CNTNAP1: variants seen among roughly 807,000 people sequenced by gnomAD.
The protein encoded by CNTNAP1 is contactin-associated protein 1.
In CNTNAP1, 80 loss-of-function variants were observed where a neutral mutation model predicts 161.5. That is an observed-to-expected ratio of 0.50 (90% CI 0.41 to 0.60). CNTNAP1 has a LOEUF of 0.60. CNTNAP1 is among the 20% of genes least tolerant of loss of function. The probability of loss-of-function intolerance (pLI) is 0.00; values close to 1 mark genes in which losing one functional copy is unlikely to be tolerated. For synonymous variants in CNTNAP1, 695 were observed against 733.1 expected, an observed-to-expected ratio of 0.95 and a Z score of 0.84; for missense variants, 1,464 against 1,854.8, an observed-to-expected ratio of 0.79 and a Z score of 3.87.
chr17:42,693,593 G>A, intron 18 of CNTNAP1, 57 bp downstream of exon 18: 1 of 1,585,496 alleles, frequency 6.3e-7, no homozygotes, highest in Non-Finnish European at 8.6e-7. Flanking sequence ...GGGATGTAGG[G>A]AGGGCAGGGA....
rs983436233 is a variant in CNTNAP1, at chr17:42,682,650, G to A, written c.-180G>A. The A allele has an allele frequency of 1.4e-4, 87 of 608,046 alleles. No homozygotes were observed. In the Admixed American group the frequency reaches 2.1e-3, roughly 15 times the overall value. 37.7% of individuals were successfully genotyped at this position (608,046 alleles called of 1,614,324 possible). A position where few individuals can be genotyped will look rare whatever the true frequency, so the allele number is the denominator to read the frequency against. On this transcript the variant is annotated 5_prime_UTR_variant, in exon 1 of 24. Transcript: ENST00000264638. ...ACCAGGAACCAGAGAGAGAGAGAGA[G>A]AAAAGAGAGAGGAGAGACAGAGCGC...
In CNTNAP1 at chr17:42,686,972, A is replaced by G. The variant is rs773997395; in HGVS notation, c.970A>G (p.Ile324Val). The change falls in exon 7 of 24, where the codon ATA (isoleucine) becomes GTA (valine). Residue 324 changes from isoleucine to valine, a missense_variant. This residue lies in a region of CNTNAP1 where 1,383 missense variants were observed against 1,765.0 expected (regional missense o/e 0.78). Coordinates refer to ENST00000264638, the MANE Select transcript of CNTNAP1 (RefSeq NM_003632.3). Reference sequence around the variant, plus strand: ...CTATCGGCATAACTTCCGCGGCTGCATAGAAAACGTAATCTTCAACCGCGT... The same window carrying G: ...CTATCGGCATAACTTCCGCGGCTGCGTAGAAAACGTAATCTTCAACCGCGT... Reference protein sequence around the residue: ...LAYRHNFRGCIENVIFNRVNI... With the variant: ...LAYRHNFRGCVENVIFNRVNI... 1.2e-6 allele frequency: 2 copies of G among 1,614,026 alleles called. No individual in the cohort carries two copies. Among genetic ancestry groups the G allele is most frequent in the East Asian group, 2.2e-5 (1 of 44,882 alleles).
Position 42,684,181 on chromosome 17 carries a change from C to A in CNTNAP1, c.315C>A (p.Gly105=). The A allele has an allele frequency of 6.2e-7, 1 of 1,614,106 alleles. No homozygotes were observed. Among genetic ancestry groups the A allele is most frequent in the Non-Finnish European group, 8.5e-7 (1 of 1,180,016 alleles). The change falls in exon 3 of 24, where the codon GGC becomes GGA. Residue 105 remains glycine, a synonymous_variant. Transcript: ENST00000264638. ...DWVTRYMLLY[G]DRVDSWTPFY... is the part of the protein sequence containing the mutation. ...TCACACGTTACATGCTACTCTACGG[C>A]GACCGAGTGGACAGCTGGACACCGT...
In CNTNAP1 at chr17:42,687,453, A is replaced by T; in HGVS notation, c.1045-267A>T. ...GTCTGTGGTCCAAAATTGCCTCTCG[A>T]TACTGGAAGGAGAGAAGCGGTCGAA... On this transcript the variant is annotated intron_variant, in intron 7 of 23. Transcript: ENST00000264638. The surrounding 1 kb of genome is among the most constrained non-coding windows in gnomAD (Gnocchi z 4.7). 1 of 557,222 alleles carries T rather than the reference A, an allele frequency of 1.8e-6. No individual in the cohort carries two copies. The highest frequency in any genetic ancestry group is 3.2e-6 in the Non-Finnish European group (1 of 315,186). The allele number at this position is 557,222 out of a possible 1,614,324, so 34.5% of individuals were successfully genotyped here.
rs756600030 is a variant in CNTNAP1 at position 42,687,381 on chromosome 17, A to T, written c.1044+335A>T. On this transcript the variant is annotated intron_variant, in intron 7 of 23. Transcript: ENST00000264638. This position sits in a 1 kb window ranked among gnomAD's most constrained non-coding sequence, Gnocchi z 4.7. ...ATGGCTTCTCTGATATGCCCCCCTC[A>T]ACCCTCTCCGACTCTGGAGCTCTGT... 1.0e-4 allele frequency: 52 copies of T among 508,642 alleles called. No individual in the cohort carries two copies. Among genetic ancestry groups the T allele is most frequent in the Admixed American group, 6.4e-4 (18 of 28,220 alleles). 31.5% of individuals were successfully genotyped at this position (508,642 alleles called of 1,614,324 possible). A position where few individuals can be genotyped will look rare whatever the true frequency, so the allele number is the denominator to read the frequency against.
intron 18 of CNTNAP1, among the ~76,000 whole-genome samples, chr17:42,693,950 C>T (rs375911863): frequency 9.2e-5 from 14 of 152,158 alleles, no homozygotes; most frequent in African/African-American, 3.1e-4. Flanking sequence ...CTGCAACCTC[C>T]GCCTGGTTCA....
chr17:42,686,944 G>C lies in CNTNAP1; in HGVS notation c.942G>C (p.Leu314=). 1 of 1,613,672 alleles carries C rather than the reference G, an allele frequency of 6.2e-7. No individual in the cohort carries two copies. The highest frequency in any genetic ancestry group is 8.5e-7 in the Non-Finnish European group (1 of 1,179,740). ...TGGTGGGCGCCGCGCGGAAGAACCTGGCCTATCGGCATAACTTCCGCGGCT... is the reference window on the plus strand; with the variant it reads ...TGGTGGGCGCCGCGCGGAAGAACCTCGCCTATCGGCATAACTTCCGCGGCT... ...GGLVGAARKN[L]AYRHNFRGCI... is the part of the protein sequence containing the mutation. Residue 314 remains leucine (L), a synonymous_variant, in exon 7 of 24, where the codon CTG becomes CTC. Transcript: ENST00000264638.
Position 42,685,888 on chromosome 17 carries a change from T to G in CNTNAP1, c.716-69T>G. On this transcript the variant is annotated intron_variant, in intron 5 of 23. Coordinates refer to ENST00000264638, the MANE Select transcript of CNTNAP1 (RefSeq NM_003632.3). The surrounding 1 kb of genome is among the most constrained non-coding windows in gnomAD (Gnocchi z 5.0). ...TGGGCTTTGTTACACGCTGCTGCTC[T>G]GCCTAGGAGCTTGGACTCCATGGAG... The G allele has an allele frequency of 1.3e-6, 2 of 1,532,904 alleles. No individual in the cohort carries two copies. The highest frequency in any genetic ancestry group is 1.8e-6 in the Non-Finnish European group (2 of 1,119,108). 95.0% of individuals were successfully genotyped at this position (1,532,904 alleles called of 1,614,324 possible).
Position 42,692,704 on chromosome 17 carries a change from C to T in CNTNAP1, c.2736C>T (p.Asp912=), listed in dbSNP as rs1485639447. ...AGACCTACATCTGGATGGAGTATGA[C>T]CAGCCCCTCTATGTGGGTAAGCAGC... is the stretch of plus-strand genomic sequence containing the variant. ...PLQTYIWMEY[D]QPLYVGSAEL... Residue 912 remains aspartate (D), a synonymous_variant, in exon 17 of 24, where the codon GAC becomes GAT. Coordinates refer to ENST00000264638, the MANE Select transcript of CNTNAP1 (RefSeq NM_003632.3). 1.2e-6 allele frequency: 2 copies of T among 1,610,650 alleles called. No individual in the cohort carries two copies. Among genetic ancestry groups the T allele is most frequent in the Non-Finnish European group, 1.7e-6 (2 of 1,177,382 alleles).
rs747914798 is a variant in CNTNAP1, at chr17:42,687,059, G to A, written c.1044+13G>A. The A allele has an allele frequency of 9.3e-6, 15 of 1,607,808 alleles. No homozygotes were observed. Among genetic ancestry groups the A allele is most frequent in the African/African-American group, 4.0e-5 (3 of 74,820 alleles). ...GATCACCTTCGAGGCCAGTGGGCAG[G>A]GGGGTCTGGGAGGACAGGATATCAA... On this transcript the variant is annotated intron_variant, in intron 7 of 23. Transcript: ENST00000264638. The surrounding 1 kb of genome is among the most constrained non-coding windows in gnomAD (Gnocchi z 4.7).
rs1234396329 is a variant in CNTNAP1 at position 42,689,008 on chromosome 17, A to G, written c.1589A>G (p.Tyr530Cys). The G allele has an allele frequency of 1.2e-6, 2 of 1,607,464 alleles. No homozygotes were observed. The highest frequency in any genetic ancestry group is 1.1e-5 in the South Asian group (1 of 90,132). ...TLVEGRRLGF[Y>C]AEVLFDTCGI... The stretch of plus-strand genomic sequence containing the variant: ...GTGGAGGGCCGGCGGCTTGGATTCT[A>G]TGCTGAGGTCCTCTTTGATACATGT... The change falls in exon 10 of 24, where the codon TAT becomes TGT. Residue 530 changes from tyrosine (Y) to cysteine (C), a missense_variant. Tyr to Cys is a radical substitution (Grantham distance 194). Coordinates refer to ENST00000264638, the MANE Select transcript of CNTNAP1 (RefSeq NM_003632.3).
In CNTNAP1 at chr17:42,682,965, C is replaced by T. The variant is rs971403256; in HGVS notation, c.67+69C>T. On this transcript the variant is annotated intron_variant, in intron 1 of 23. Coordinates refer to ENST00000264638, the MANE Select transcript of CNTNAP1 (RefSeq NM_003632.3). ...CCAGAGCCTGCAGGGCGGCCCCGAACCGCATTGCGGCTGGGTGGTCGCGGG... is the reference window on the plus strand; with the variant it reads ...CCAGAGCCTGCAGGGCGGCCCCGAATCGCATTGCGGCTGGGTGGTCGCGGG... The T allele has an allele frequency of 2.2e-5, 32 of 1,431,912 alleles. No individual in the cohort carries two copies. The African/African-American group carries it at 3.4e-4, about 15-fold the overall frequency. 88.7% of individuals were successfully genotyped at this position (1,431,912 alleles called of 1,614,324 possible).
At chr17:42,686,366 C>A (rs1049925852) in intron 6 of CNTNAP1, among the ~76,000 whole-genome samples, 5 of 151,144 alleles carry the variant, frequency 3.3e-5, no homozygotes, top group Non-Finnish European at 7.4e-5. Context: ...TAGTGACATC[C>A]TACCTCTATT....
Position 42,695,674 on chromosome 17 carries a change from T to G in CNTNAP1, c.3146T>G (p.Val1049Gly). ...CCGGGCTATGATACTCCGGGCTATG[T>G]GCCTGGCTACCATGGCCCCGGGTAC... ...YIPGYDTPGY[V>G]PGYHGPGYRL... Residue 1049 changes from valine (V) to glycine (G), a missense_variant, in exon 19 of 24, where the codon GTG becomes GGG. Val to Gly is a moderately radical substitution (Grantham distance 109, BLOSUM62 -3). Around this residue, in one of 3 missense-constraint regions of CNTNAP1, gnomAD observed 1,383 missense variants for 1,765.0 expected, o/e 0.78. Coordinates refer to ENST00000264638, the MANE Select transcript of CNTNAP1 (RefSeq NM_003632.3). The G allele has an allele frequency of 1.2e-6, 2 of 1,614,198 alleles. No individual in the cohort carries two copies. The highest frequency in any genetic ancestry group is 1.7e-6 in the Non-Finnish European group (2 of 1,180,028).
In CNTNAP1 at chr17:42,691,440, T is replaced by C; in HGVS notation, c.2273T>C (p.Val758Ala). 1.2e-6 allele frequency: 2 copies of C among 1,614,054 alleles called. No homozygotes were observed. Among genetic ancestry groups the C allele is most frequent in the Non-Finnish European group, 1.7e-6 (2 of 1,179,990 alleles). ...FVDHLPVTQVVIGDTNRSTSE... is the reference protein window; with the variant it reads ...FVDHLPVTQVAIGDTNRSTSE... ...GACCATCTGCCTGTCACTCAGGTAG[T>C]GATAGGGGATACGAACCGCTCCACT... Residue 758 changes from valine to alanine, a missense_variant, in exon 15 of 24, where the codon GTG becomes GCG. This residue lies in a region of CNTNAP1 where 1,383 missense variants were observed against 1,765.0 expected (regional missense o/e 0.78). Transcript: ENST00000264638. This position sits in a 1 kb window ranked among gnomAD's most constrained non-coding sequence, Gnocchi z 4.3.
Position 42,685,499 on chromosome 17 carries a change from G to C in CNTNAP1, c.715+79G>C. On this transcript the variant is annotated intron_variant, in intron 5 of 23. Transcript: ENST00000264638. The surrounding 1 kb of genome is among the most constrained non-coding windows in gnomAD (Gnocchi z 5.0). ...GCCCTCCTCGTGGCACCTCCTCCGC[G>C]CATCCGCGCTCAGCCTGGTCTTCCA... is the stretch of plus-strand genomic sequence containing the variant. 1 of 1,354,102 alleles carries C rather than the reference G, an allele frequency of 7.4e-7. No homozygotes were observed. The highest frequency in any genetic ancestry group is 1.0e-6 in the Non-Finnish European group (1 of 987,512). The allele number at this position is 1,354,102 out of a possible 1,614,324, so 83.9% of individuals were successfully genotyped here.
chr17:42,682,709 G>T lies in CNTNAP1; in HGVS notation c.-121G>T. On this transcript the variant is annotated 5_prime_UTR_variant, in exon 1 of 24. Coordinates refer to ENST00000264638, the MANE Select transcript of CNTNAP1 (RefSeq NM_003632.3). Reference sequence around the variant, plus strand: ...GAAAGGAGAGAGGGAGGGAAGGGTGGGTAAGGAGGAGAGAGCGGTCTGCTG... The same window carrying T: ...GAAAGGAGAGAGGGAGGGAAGGGTGTGTAAGGAGGAGAGAGCGGTCTGCTG... 1 of 925,350 alleles carries T rather than the reference G, an allele frequency of 1.1e-6. No homozygotes were observed. The highest frequency in any genetic ancestry group is 1.7e-6 in the Non-Finnish European group (1 of 594,514). The allele number at this position is 925,350 out of a possible 1,614,324, so 57.3% of individuals were successfully genotyped here. A position where few individuals can be genotyped will look rare whatever the true frequency, so the allele number is the denominator to read the frequency against.
chr17:42,699,266 T>C lies in CNTNAP1; in HGVS notation c.*356T>C. 5.1e-6 allele frequency: 1 copy of C among 195,260 alleles called. No homozygotes were observed. Among genetic ancestry groups the C allele is most frequent in the Non-Finnish European group, 1.0e-5 (1 of 96,444 alleles). 12.1% of individuals were successfully genotyped at this position (195,260 alleles called of 1,614,324 possible). A position where few individuals can be genotyped will look rare whatever the true frequency, so the allele number is the denominator to read the frequency against. On this transcript the variant is annotated 3_prime_UTR_variant, in exon 24 of 24. Coordinates refer to ENST00000264638, the MANE Select transcript of CNTNAP1 (RefSeq NM_003632.3). ...TGTAGGGGAGATTAACTGCCTCCCT[T>C]CCAATAGACACTATCAGCAGGGACA...
chr17:42,698,602 C>T lies in CNTNAP1; in HGVS notation c.3863-16C>T. 1 of 1,577,952 alleles carries T rather than the reference C, an allele frequency of 6.3e-7. No homozygotes were observed. The stretch of plus-strand genomic sequence containing the variant: ...GAGATCCCAAAGATCTGAATTGTCC[C>T]TTTTCTTCTTTTCAGTTTTGGTGGC... On this transcript the variant is annotated splice_polypyrimidine_tract_variant and intron_variant, in intron 23 of 23. Coordinates refer to ENST00000264638, the MANE Select transcript of CNTNAP1 (RefSeq NM_003632.3).
Sources: gnomAD v4.1 joint callset for allele counts (sites outside exome capture counted in the v4.1 genomes callset) on GRCh38, gnomAD v4.1.1 for gene constraint, gnomAD v4.1.1 regional missense constraint, Gnocchi (gnomAD v3.1) non-coding constraint, MANE v1.5 for transcripts, NCBI Gene and HGNC (gene_info 2026-07-23, HGNC 2026-07-21) for gene names.